COL25A1: variants seen among roughly 807,000 people sequenced by gnomAD.
COL25A1 encodes collagen alpha-1(XXV) chain.
In COL25A1, 103 loss-of-function variants were observed where a neutral mutation model predicts 128.4. The observed-to-expected ratio is 0.80, with a 90% CI of 0.68 to 0.94. The LOEUF is 0.94. Among genes scored for constraint, COL25A1 ranks in the 40% least tolerant of loss-of-function variants. The pLI is 0.00. For missense variants in COL25A1, 745 were observed against 840.0 expected, an observed-to-expected ratio of 0.89 and a Z score of 1.40; for synonymous variants, 279 against 277.2, an observed-to-expected ratio of 1.01 and a Z score of -0.06.
intron 5 of COL25A1, chr4:109,022,117 A>G: frequency 2.2e-6 from 1 of 451,896 alleles, no homozygotes; most frequent in East Asian, 7.0e-5. Context: ...CCCTTTTGAA[A>G]TCCCTAATAA....
chr4:109,178,915 A>C (rs1774364727), intron 3 of COL25A1, among the ~76,000 whole-genome samples: 1 of 151,950 alleles, frequency 6.6e-6, no homozygotes, highest in African/African-American at 2.4e-5. Context: ...GACTCAAACC[A>C]AATGGAATAG....
chr4:109,295,901 G>C (rs1724930580), intron 3 of COL25A1, among the ~76,000 whole-genome samples: 1 of 152,006 alleles, frequency 6.6e-6, no homozygotes, highest in Admixed American at 6.6e-5. Flanking sequence ...AAGTTACCTA[G>C]TGTATCTTTT....
In COL25A1 at chr4:108,845,221, C is replaced by T; in HGVS notation, c.1546G>A (p.Asp516Asn). The change falls in exon 29 of 38, where the codon GAT (aspartate) becomes AAT (asparagine). Residue 516 changes from aspartate to asparagine, a missense_variant. Physicochemically the swap from Asp to Asn is conservative, Grantham distance 23 (BLOSUM62 1). Coordinates refer to ENST00000399132, the MANE Select transcript of COL25A1 (RefSeq NM_198721.4). The part of the protein sequence containing the change: ...GANGMKGEKG[D>N]SGMPGPQGPS... ...CCCTGTGGACCCGGCATTCCAGAAT[C>T]TCCTTTTTCTCCTTTCATTCCATTG... The T allele has an allele frequency of 6.2e-7, 1 of 1,613,982 alleles. No homozygotes were observed. The highest frequency in any genetic ancestry group is 8.5e-7 in the Non-Finnish European group (1 of 1,179,832).
intron 3 of COL25A1, among the ~76,000 whole-genome samples, chr4:109,198,457 T>C (rs1460519384): frequency 1.3e-5 from 2 of 152,212 alleles, no homozygotes; most frequent in Non-Finnish European, 2.9e-5. Flanking sequence ...CCAAAGGAAC[T>C]TTATTAATAC....
At chr4:108,915,926 AAAAC>A (rs899815052) in intron 13 of COL25A1, among the ~76,000 whole-genome samples, 5 of 152,212 alleles carry the variant, frequency 3.3e-5, no homozygotes, top group African/African-American at 1.2e-4. Context: ...AGATTCCAGA[AAAAC>A]AAAGTCTAGA....
intron 19 of COL25A1, among the ~76,000 whole-genome samples, chr4:108,882,874 A>G (rs1009342315): frequency 3.9e-5 from 6 of 152,168 alleles, no homozygotes; most frequent in Non-Finnish European, 8.8e-5. Context: ...ATGTCTATCA[A>G]TTGTACCAAA....
chr4:109,226,926 C>T (rs922385991), intron 3 of COL25A1, among the ~76,000 whole-genome samples: 21 of 152,080 alleles, frequency 1.4e-4, no homozygotes, highest in Non-Finnish European at 2.9e-4. Context: ...GAACCAGATT[C>T]ATAAAGAAAT....
intron 3 of COL25A1, among the ~76,000 whole-genome samples, chr4:109,161,112 A>G (rs1341704730): frequency 6.6e-6 from 1 of 152,150 alleles, no homozygotes; most frequent in Non-Finnish European, 1.5e-5. Flanking sequence ...TGCTGGGATT[A>G]CACACATGGC....
chr4:109,108,968 T>A (rs3113718), intron 3 of COL25A1, among the ~76,000 whole-genome samples: 32,262 of 152,080 alleles, frequency 0.21, 4,082 homozygotes, highest in East Asian at 0.39. Context: ...TGAGCCCATT[T>A]TACAGATATG....
chr4:108,868,015 C>A (rs1336754218), intron 20 of COL25A1, among the ~76,000 whole-genome samples: 1 of 151,970 alleles, frequency 6.6e-6, no homozygotes, highest in African/African-American at 2.4e-5. Flanking sequence ...AGAGTAGATC[C>A]TTTTGGGATG....
In COL25A1 at chr4:109,182,834, T is replaced by C. The variant is rs533716529; in HGVS notation, c.367+117749A>G. ...CAGCAGGTGTTAGGATAAATTACAC[T>C]TGCAGCCTGAGAACTTTTGATGCTA... On this transcript the variant is annotated intron_variant, in intron 3 of 37. Coordinates refer to ENST00000399132, the MANE Select transcript of COL25A1 (RefSeq NM_198721.4). Among the ~76,000 whole-genome samples the C allele has an allele frequency of 4.6e-5, 7 of 152,152 alleles. No individual in the cohort carries two copies. The South Asian group carries it at 8.3e-4, about 18-fold the overall frequency.
intron 12 of COL25A1, among the ~76,000 whole-genome samples, chr4:108,919,339 C>T (rs969210917): frequency 1.3e-5 from 2 of 152,062 alleles, no homozygotes; most frequent in African/African-American, 4.8e-5. Context: ...TAATTTTATC[C>T]TGGTCGTATG....
Position 108,875,029 on chromosome 4 carries a change from G to A in COL25A1, c.1021-5879C>T, listed in dbSNP as rs77045218. ...TCAGTGAGAACAACAAGATGACAAA[G>A]TCAATTGGGATTCCTCACATTGGTG... On this transcript the variant is annotated intron_variant, in intron 19 of 37. Coordinates refer to ENST00000399132, the MANE Select transcript of COL25A1 (RefSeq NM_198721.4). Among the ~76,000 whole-genome samples, 1,134 of 152,292 alleles carry A rather than the reference G, an allele frequency of 7.4e-3. 8 individuals carry two copies. The highest frequency in any genetic ancestry group is 0.026 in the African/African-American group (1,069 of 41,566).
chr4:109,082,827 C>CT (rs1763965379), intron 3 of COL25A1, among the ~76,000 whole-genome samples: 1 of 152,062 alleles, frequency 6.6e-6, no homozygotes, highest in African/African-American at 2.4e-5. Flanking sequence ...AGGTAAACTA[C>CT]TGGCATGGGG....
At chr4:108,880,654 G>A (rs1740008796) in intron 19 of COL25A1, among the ~76,000 whole-genome samples, 1 of 152,160 alleles carries the variant, frequency 6.6e-6, no homozygotes, top group Non-Finnish European at 1.5e-5. Context: ...TGGTCAATGA[G>A]TCCCATCTTA....
intron 3 of COL25A1, among the ~76,000 whole-genome samples, chr4:109,172,578 T>C (rs1006561670): frequency 3.9e-5 from 6 of 152,182 alleles, no homozygotes; most frequent in African/African-American, 1.4e-4. Context: ...TTATAATCCA[T>C]CTTGATTATA....
chr4:108,832,870 G>A (rs1318442665), intron 31 of COL25A1, among the ~76,000 whole-genome samples: 1 of 151,842 alleles, frequency 6.6e-6, no homozygotes, highest in South Asian at 2.1e-4. Context: ...GCATGGTGAC[G>A]GGTGCCTGCA....
chr4:108,884,322 A>G (rs1249399904), intron 18 of COL25A1, 100 bp from the exon 19 acceptor site: 11 of 1,087,120 alleles, frequency 1.0e-5, no homozygotes, highest in Middle Eastern at 2.1e-4. Context: ...ACTTTCTGCA[A>G]AGATAAATAA....
intron 6 of COL25A1, among the ~76,000 whole-genome samples, chr4:109,007,295 C>A (rs931523850): frequency 1.3e-5 from 2 of 152,028 alleles, no homozygotes; most frequent in African/African-American, 4.8e-5. Context: ...AAGCTAATGA[C>A]CATCAAGCAC....
Sources: allele counts gnomAD v4.1 joint callset (sites outside exome capture counted in the v4.1 genomes callset), GRCh38; gene constraint gnomAD v4.1.1; transcripts MANE v1.5; gene names NCBI Gene and HGNC (gene_info 2026-07-23, HGNC 2026-07-21).